The following MYL5 variants were observed in gnomAD, a reference collection of about 807,000 sequenced individuals.
The protein encoded by MYL5 is myosin light chain 5, also known as myosin regulatory light chain 5.
In MYL5, 28 loss-of-function variants were observed where a neutral mutation model predicts 20.8. That is an observed-to-expected ratio of 1.35 (90% confidence interval 1.00 to 1.84). MYL5 has a LOEUF of 1.84. MYL5 is among the 40% of genes most tolerant of loss of function. The pLI is 0.00. For synonymous variants in MYL5, 118 were observed against 87.4 expected (o/e 1.35, Z -1.95); for missense variants, 274 against 227.3 (o/e 1.21, Z -1.32).
intron 4 of MYL5, 49 bp from the exon 7 acceptor site, chr4:680,460 A>C (rs1739346505): frequency 1.3e-6 from 2 of 1,581,532 alleles, no homozygotes; most frequent in Admixed American, 1.7e-5. Context: ...CTTGGCAGCC[A>C]CGGGACTGCC....
intron 5 of MYL5, chr4:680,830 T>G (rs1018127232): frequency 1.3e-5 from 8 of 630,438 alleles, no homozygotes; most frequent in Non-Finnish European, 1.9e-5. Context: ...TCCTCCATCT[T>G]CAGCTCCTGC....
At chr4:677,404 A>G (rs979219116), upstream of MYL5, among the ~76,000 whole-genome samples, 1 of 152,148 alleles carries the variant, frequency 6.6e-6, no homozygotes, top group Non-Finnish European at 1.5e-5. Context: ...CTCCCAGCCC[A>G]TCTGAGCAAC....
intron 5 of MYL5, 111 bp from the exon 8 acceptor site, chr4:680,981 C>T: frequency 2.5e-6 from 3 of 1,209,946 alleles, no homozygotes; most frequent in Non-Finnish European, 3.5e-6. Flanking sequence ...GCGGGAAGGG[C>T]GGGAGTGCAG....
chr4:681,056 G>T, intron 5 of MYL5, 36 bp from the exon 8 acceptor site: 1 of 1,570,536 alleles, frequency 6.4e-7, no homozygotes. Context: ...CTGCACCCCC[G>T]CATCAGCCCG....
At chr4:679,917 A>T in exon 4 of MYL5, 2 of 1,613,698 alleles carry the variant, frequency 1.2e-6, no homozygotes, top group South Asian at 2.2e-5. Flanking sequence ...GTAACAGGCA[A>T]GACCAACGTC....
rs745456020 is a variant in MYL5, at chr4:679,081, C to T, written c.187+48C>T. ...TCAGAGCCCTTGGAGGAGGCGAACA[C>T]AGAGGTCCTCCAGCTCCAGACGCCG... On this transcript the variant is annotated intron_variant, in intron 3 of 6. Transcript: ENST00000400159. 6.8e-6 allele frequency: 10 copies of T among 1,478,112 alleles called. No homozygotes were observed. The Admixed American group carries it at 9.2e-5, about 14-fold the overall frequency. 91.6% of individuals were successfully genotyped at this position (1,478,112 alleles called of 1,614,324 possible).
At chr4:677,415 G>A (rs552544347), upstream of MYL5, among the ~76,000 whole-genome samples, 49 of 152,314 alleles carry the variant, frequency 3.2e-4, no homozygotes, top group African/African-American at 1.1e-3. Flanking sequence ...TCTGAGCAAC[G>A]TGGCCATCTC....
chr4:681,584 G>A (rs1322558845), intron 6 of MYL5, among the ~76,000 whole-genome samples: 1 of 142,552 alleles, frequency 7.0e-6, no homozygotes, highest in Non-Finnish European at 1.5e-5. Flanking sequence ...CCCAGACTGT[G>A]GCTGCAGCCG....
At chr4:677,129 T>TGTTACCTACTGCGTCCC (rs1364568329), upstream of MYL5, among the ~76,000 whole-genome samples, 2 of 152,206 alleles carry the variant, frequency 1.3e-5, no homozygotes, top group Non-Finnish European at 2.9e-5. Flanking sequence ...CCCTGGGTCC[T>TGTTACCTACTGCGTCCC]GTTACCTACT....
chr4:681,152 G>T lies in MYL5; in HGVS notation c.420+12G>T, dbSNP rs553930016. On this transcript the variant is annotated intron_variant, in intron 6 of 6. Transcript: ENST00000400159. ...TGACGGCGGAAGAGGTCTGGCCCGC[G>T]GCTTCCCTGCCAAGCCCACGAGGGG... is the stretch of plus-strand genomic sequence containing the variant. 7 of 1,601,616 alleles carry T rather than the reference G, an allele frequency of 4.4e-6. No individual in the cohort carries two copies. The highest frequency in any genetic ancestry group is 6.0e-6 in the Non-Finnish European group (7 of 1,175,122).
intron 1 of MYL5, 141 bp downstream of exon 3, chr4:678,170 G>C (rs1739044055): frequency 6.5e-7 from 1 of 1,541,466 alleles, no homozygotes; most frequent in Non-Finnish European, 8.8e-7. Context: ...GCCTGCATAT[G>C]TGTGTGCATG....
rs1739358556 is a variant in MYL5 at position 680,536 on chromosome 4, AC to A, written c.321del (p.Asn107LysfsTer23). ...ACCGACGCCGAGGAGACCATTCTTA[AC>A]GCCTTCAAGATGCTGGACCCGGACG... On this transcript the variant is annotated frameshift_variant, in exon 5 of 7. Coordinates refer to ENST00000400159, the Ensembl canonical transcript of MYL5. LOFTEE classifies it high-confidence loss of function. 5.0e-6 allele frequency: 8 copies of A among 1,613,484 alleles called. No homozygotes were observed. The East Asian group carries it at 1.8e-4, about 36-fold the overall frequency.
In MYL5 at chr4:679,905, C is replaced by T; in HGVS notation, c.188-9C>T. On this transcript the variant is annotated splice_polypyrimidine_tract_variant and intron_variant, in intron 3 of 6. Coordinates refer to ENST00000400159, the Ensembl canonical transcript of MYL5. ...GCCCTGCCCTGTGATGCCCCCATGT[C>T]TGTAACAGGCAAGACCAACGTCAAG... The T allele has an allele frequency of 6.2e-7, 1 of 1,613,238 alleles. No individual in the cohort carries two copies. Among genetic ancestry groups the T allele is most frequent in the Non-Finnish European group, 8.5e-7 (1 of 1,179,650 alleles).
In MYL5 at chr4:679,008, C is replaced by A. The variant is rs1434710628; in HGVS notation, c.162C>A (p.Asp54Glu). Residue 54 changes from aspartate (D) to glutamate (E), a missense_variant, in exon 3 of 7, where the codon GAC (aspartate) becomes GAA (glutamate). Physicochemically the swap from Asp to Glu is conservative, Grantham distance 45. Coordinates refer to ENST00000400159, the Ensembl canonical transcript of MYL5. ...GAGATGGCTTCATTGACAAGGAGGACCTGAAGGACACCTATGCCTCCCTGG... is the reference window on the plus strand; with the variant it reads ...GAGATGGCTTCATTGACAAGGAGGAACTGAAGGACACCTATGCCTCCCTGG... 3.7e-6 allele frequency: 6 copies of A among 1,613,652 alleles called. No individual in the cohort carries two copies. In the African/African-American group the frequency reaches 4.0e-5, roughly 11 times the overall value.
At chr4:678,449 CTGTGCTGAAGCCAGACA>C in intron 1 of MYL5, 192 bp from the exon 4 acceptor site, 1 of 1,429,166 alleles carries the variant, frequency 7.0e-7, no homozygotes, top group Non-Finnish European at 9.1e-7. Flanking sequence ...CCCCCAGTCC[CTGTGCTGAAGCCAGACA>C]CCTGCAGCCG....
upstream of MYL5, chr4:676,986 G>A (rs2109320227): frequency 1.1e-6 from 1 of 949,306 alleles, no homozygotes; most frequent in East Asian, 1.2e-4. Context: ...TAGGACCTCT[G>A]CTCAAGAGAC....
chr4:678,475 C>T (rs1331750998), intron 1 of MYL5, 183 bp from the exon 4 acceptor site: 19 of 1,433,768 alleles, frequency 1.3e-5, no homozygotes, highest in Middle Eastern at 2.6e-4. Flanking sequence ...CACCTGCAGC[C>T]GTCCTGCCCC....
At position 679,640 on chromosome 4, in the gene MYL5, T is replaced by C. The variant is rs980799029; in HGVS notation, c.188-274T>C. ...CCCACCTTCCTCTCGGCCCTGCTTA[T>C]GCCCAGAATTAAGAACAGCAGATCC... On this transcript the variant is annotated intron_variant, in intron 3 of 6. Coordinates refer to ENST00000400159, the Ensembl canonical transcript of MYL5. Among the ~76,000 whole-genome samples, 4 of 152,208 alleles carry C rather than the reference T, an allele frequency of 2.6e-5. No individual in the cohort carries two copies. In the East Asian group the frequency reaches 7.7e-4, roughly 29 times the overall value.
At chr4:674,603 G>T, upstream of MYL5, 1 of 371,814 alleles carries the variant, frequency 2.7e-6, no homozygotes, top group Non-Finnish European at 4.9e-6. Context: ...CCCGCCGTCC[G>T]CGTCCTGGCC....
Sources: gnomAD v4.1 joint callset for allele counts (sites outside exome capture counted in the v4.1 genomes callset) on GRCh38, gnomAD v4.1.1 for gene constraint, MANE v1.5 for transcripts, NCBI Gene and HGNC (gene_info 2026-07-23, HGNC 2026-07-21) for gene names.